Variants in EFR3A observed in about 807,000 individuals in gnomAD.
EFR3A encodes protein EFR3 homolog A.
EFR3A carries 76 observed loss-of-function variants against 104.4 expected under a neutral mutation model. That is an observed-to-expected ratio of 0.73 (90% CI 0.60 to 0.88). The LOEUF is 0.88. Ranked by LOEUF, EFR3A falls within the 40% of genes least tolerant of loss-of-function variation. The pLI, the probability that EFR3A is intolerant of heterozygous loss-of-function variation, is 0.00. For missense variants in EFR3A, 985 were observed against 1,012.5 expected (o/e 0.97, Z 0.37); for synonymous variants, 330 against 330.0 (o/e 1.00, Z 0.00).
chr8:131,986,783 C>G (rs2130762952), intron 17 of EFR3A, among the ~76,000 whole-genome samples: 1 of 139,106 alleles, frequency 7.2e-6, no homozygotes, highest in South Asian at 2.5e-4. Context: ...GAGCGAGACT[C>G]CATCTCAAAA....
intron 1 of EFR3A, among the ~76,000 whole-genome samples, chr8:131,918,031 G>A (rs1001154539): frequency 6.6e-6 from 1 of 152,214 alleles, no homozygotes; most frequent in African/African-American, 2.4e-5. Flanking sequence ...GCTCACTCCT[G>A]TAATCCTAGC....
At chr8:131,973,909 AAATC>A (rs1226738499) in intron 10 of EFR3A, among the ~76,000 whole-genome samples, 1 of 152,240 alleles carries the variant, frequency 6.6e-6, no homozygotes, top group Non-Finnish European at 1.5e-5. Flanking sequence ...AGTTAAAAAA[AAATC>A]AAAGCAATTC....
intron 1 of EFR3A, among the ~76,000 whole-genome samples, chr8:131,921,244 G>A (rs1817005395): frequency 6.6e-6 from 1 of 152,146 alleles, no homozygotes; most frequent in African/African-American, 2.4e-5. Flanking sequence ...TGAGGGCTGT[G>A]AAGGAAGGAT....
At chr8:132,010,767 A>C (rs1377391836) in intron 22 of EFR3A, 23 bp from the exon 23 acceptor site, 2 of 1,609,616 alleles carry the variant, frequency 1.2e-6, no homozygotes. Context: ...ACCTGCTGAC[A>C]ATGTATTTTT....
chr8:131,962,518 A>AAT (rs1180184752), intron 8 of EFR3A, among the ~76,000 whole-genome samples: 6 of 152,222 alleles, frequency 3.9e-5, no homozygotes, highest in African/African-American at 1.4e-4. Flanking sequence ...GACTCTCCTA[A>AAT]ATATATATGC....
Position 132,011,811 on chromosome 8 carries a change from A to G in EFR3A, c.*916A>G, listed in dbSNP as rs1031377224. The stretch of plus-strand genomic sequence containing the variant: ...TAAGAGCACATTTATTTACATTTGT[A>G]TATTATTTTAAATCCTCATAGTCAA... On this transcript the variant is annotated 3_prime_UTR_variant, in exon 23 of 23. Transcript: ENST00000254624. The G allele has an allele frequency of 4.6e-5, 7 of 152,298 alleles. No homozygotes were observed. The highest frequency in any genetic ancestry group is 1.7e-4 in the African/African-American group (7 of 41,450). 9.4% of individuals were successfully genotyped at this position (152,298 alleles called of 1,614,324 possible).
chr8:131,987,071 A>G (rs935182395), intron 17 of EFR3A, among the ~76,000 whole-genome samples: 4 of 152,116 alleles, frequency 2.6e-5, no homozygotes, highest in East Asian at 3.9e-4. Flanking sequence ...CTTTTGGGCT[A>G]TAAAAGCAGT....
At chr8:132,009,693 C>A (rs1174110902) in intron 22 of EFR3A, among the ~76,000 whole-genome samples, 1 of 152,004 alleles carries the variant, frequency 6.6e-6, no homozygotes, top group East Asian at 1.9e-4. Context: ...CACTTCACTT[C>A]TTTTGCCAAG....
chr8:131,951,875 TAAATA>T (rs1164407310), intron 5 of EFR3A, among the ~76,000 whole-genome samples: 1 of 152,182 alleles, frequency 6.6e-6, no homozygotes, highest in Non-Finnish European at 1.5e-5. Context: ...TGCTTTAACT[TAAATA>T]AAAGCCCTTT....
chr8:131,987,454 C>A, intron 17 of EFR3A, 121 bp from the exon 18 acceptor site: 3 of 1,111,906 alleles, frequency 2.7e-6, no homozygotes, highest in African/African-American at 1.6e-5. Context: ...TCTGCTACTA[C>A]AGTTTACATT....
chr8:131,957,368 T>TTTTTTTTTTTA (rs1819057120), intron 7 of EFR3A, among the ~76,000 whole-genome samples: 3 of 150,646 alleles, frequency 2.0e-5, no homozygotes, highest in African/African-American at 7.3e-5. Flanking sequence ...TTTTTTTTTT[T>TTTTTTTTTTTA]GAGACAGAGT....
chr8:131,975,669 G>C (rs1820291892), intron 10 of EFR3A, among the ~76,000 whole-genome samples: 1 of 151,896 alleles, frequency 6.6e-6, no homozygotes, highest in African/African-American at 2.4e-5. Context: ...GCACACCTCG[G>C]CCTCCCAAAG....
chr8:131,974,192 A>G (rs1043236188), intron 10 of EFR3A, among the ~76,000 whole-genome samples: 1 of 152,186 alleles, frequency 6.6e-6, no homozygotes, highest in African/African-American at 2.4e-5. Context: ...TCAGCATGTT[A>G]AAAGCTCCCC....
chr8:131,930,493 G>C (rs2130496359), intron 1 of EFR3A, among the ~76,000 whole-genome samples: 1 of 114,572 alleles, frequency 8.7e-6, no homozygotes, highest in African/African-American at 2.9e-5. Context: ...AAATTTCAAA[G>C]GTCTGGTCAT....
In EFR3A at chr8:131,911,608, T is replaced by A. The variant is rs1458349230; in HGVS notation, c.10+7286T>A. 5.3e-5 allele frequency among the ~76,000 whole-genome samples: 8 copies of A among 152,166 alleles called. No individual in the cohort carries two copies. In the East Asian group the frequency reaches 1.5e-3, roughly 29 times the overall value. ...ATCAACTGACAAAAGGCAGATTAATTGGAGAAAAGGCATACAAATTTATGT... is the reference window on the plus strand; with the variant it reads ...ATCAACTGACAAAAGGCAGATTAATAGGAGAAAAGGCATACAAATTTATGT... On this transcript the variant is annotated intron_variant, in intron 1 of 22. Coordinates refer to ENST00000254624, the MANE Select transcript of EFR3A (RefSeq NM_015137.6).
chr8:131,929,323 A>T (rs923405224), intron 1 of EFR3A, among the ~76,000 whole-genome samples: 3 of 151,960 alleles, frequency 2.0e-5, no homozygotes, highest in Non-Finnish European at 4.4e-5. Flanking sequence ...TTGCCTAGGC[A>T]TTTTTCTCAT....
At chr8:131,924,442 T>G (rs1817200129) in intron 1 of EFR3A, among the ~76,000 whole-genome samples, 1 of 152,114 alleles carries the variant, frequency 6.6e-6, no homozygotes, top group Non-Finnish European at 1.5e-5. Flanking sequence ...AGGCTTAACA[T>G]CCATATATAT....
Position 131,968,400 on chromosome 8 carries a change from G to A in EFR3A, c.961G>A (p.Ala321Thr). ...RAGIIQVLLEAVAIAAKGSIG... is the reference protein window; with the variant it reads ...RAGIIQVLLETVAIAAKGSIG... ...AGGTATTATTCAGGTTCTGTTAGAG[G>A]CTGTTGCCATTGCTGCTAAAGGTTC... Residue 321 changes from alanine to threonine, a missense_variant, in exon 9 of 23, where the codon GCT (alanine) becomes ACT (threonine). Transcript: ENST00000254624. The A allele has an allele frequency of 2.5e-6, 4 of 1,613,516 alleles. No individual in the cohort carries two copies. Among genetic ancestry groups the A allele is most frequent in the Non-Finnish European group, 3.4e-6 (4 of 1,179,596 alleles).
intron 16 of EFR3A, among the ~76,000 whole-genome samples, chr8:131,985,895 A>G (rs184940290): frequency 2.0e-5 from 3 of 152,326 alleles, no homozygotes; most frequent in Non-Finnish European, 4.4e-5. Flanking sequence ...GCATTTGAGA[A>G]AATAGATATT....
Sources: allele counts gnomAD v4.1 joint callset (sites outside exome capture counted in the v4.1 genomes callset), GRCh38; gene constraint gnomAD v4.1.1; transcripts MANE v1.5; gene names NCBI Gene and HGNC (gene_info 2026-07-23, HGNC 2026-07-21).